Variants in SSBP3 observed in about 807,000 individuals in gnomAD.
The protein encoded by SSBP3 is single stranded DNA binding protein 3.
A neutral mutation model predicts 69.6 loss-of-function variants in SSBP3; 5 were observed. The observed-to-expected ratio is 0.07, with a 90% CI of 0.04 to 0.15. The LOEUF (loss-of-function observed/expected upper bound fraction) is 0.15, where lower values mean the gene tolerates loss of function less well. SSBP3 is among the 10% of genes least tolerant of loss of function. The probability of loss-of-function intolerance (pLI) is 1.00; values close to 1 mark genes in which losing one functional copy is unlikely to be tolerated. For missense variants in SSBP3, 312 were observed against 534.0 expected (o/e 0.58, Z 4.10); for synonymous variants, 196 against 193.4 (o/e 1.01, Z -0.11).
intron 4 of SSBP3, among the ~76,000 whole-genome samples, chr1:54,366,472 C>A (rs1015595449): frequency 1.3e-5 from 2 of 152,156 alleles, no homozygotes; most frequent in Non-Finnish European, 2.9e-5. Context: ...GACTAGTATG[C>A]TGCTATTAAA....
At chr1:54,226,877 C>G in exon 18 of SSBP3, 1 of 502,126 alleles carries the variant, frequency 2.0e-6, no homozygotes, top group Non-Finnish European at 3.7e-6. Flanking sequence ...TGGGATTTTT[C>G]TGGTCACTGA....
intron 7 of SSBP3, among the ~76,000 whole-genome samples, chr1:54,252,634 G>A (rs1644850124): frequency 6.6e-6 from 1 of 152,234 alleles, no homozygotes; most frequent in South Asian, 2.1e-4. Context: ...GGTTACTAAT[G>A]AGAAGGTAAA....
At chr1:54,244,513 T>A (rs1363586191) in intron 9 of SSBP3, among the ~76,000 whole-genome samples, 1 of 152,108 alleles carries the variant, frequency 6.6e-6, no homozygotes, top group Non-Finnish European at 1.5e-5. Context: ...TCCGAAAGTA[T>A]CAGGATTACA....
At chr1:54,277,000 T>C (rs1025704290) in intron 5 of SSBP3, among the ~76,000 whole-genome samples, 1 of 152,146 alleles carries the variant, frequency 6.6e-6, no homozygotes, top group Non-Finnish European at 1.5e-5. Context: ...GTCTCTCTGC[T>C]AGGCTGGCTG....
intron 12 of SSBP3, 65 bp downstream of exon 12, chr1:54,241,409 C>G: frequency 6.4e-7 from 1 of 1,559,022 alleles, no homozygotes; most frequent in South Asian, 1.1e-5. Flanking sequence ...GGACCCCAGA[C>G]CAGTTCTCTT....
At chr1:54,302,223 A>AC (rs1261147880) in intron 4 of SSBP3, among the ~76,000 whole-genome samples, 1 of 151,666 alleles carries the variant, frequency 6.6e-6, no homozygotes, top group African/African-American at 2.4e-5. Context: ...TGTAGCACCT[A>AC]CCCCCTGCCC....
At chr1:54,341,473 CAA>C (rs1194905987) in intron 4 of SSBP3, among the ~76,000 whole-genome samples, 3 of 152,016 alleles carry the variant, frequency 2.0e-5, no homozygotes, top group Admixed American at 6.5e-5. Flanking sequence ...ATCCATGGGC[CAA>C]AGAGAATAGA....
chr1:54,400,214 T>C (rs1649196730), intron 4 of SSBP3, among the ~76,000 whole-genome samples: 1 of 152,184 alleles, frequency 6.6e-6, no homozygotes, highest in Non-Finnish European at 1.5e-5. Flanking sequence ...TTGGTTAAAA[T>C]CATTAACTTC....
intron 4 of SSBP3, among the ~76,000 whole-genome samples, chr1:54,355,125 C>T (rs1001915108): frequency 3.3e-5 from 5 of 152,328 alleles, no homozygotes; most frequent in South Asian, 4.1e-4. Context: ...TGTGACCTGC[C>T]CCTTCTCTGC....
chr1:54,296,045 T>C (rs957927592), intron 4 of SSBP3, among the ~76,000 whole-genome samples: 5 of 152,236 alleles, frequency 3.3e-5, no homozygotes, highest in East Asian at 3.8e-4. Flanking sequence ...CATCAAATGA[T>C]TGGAGACTGC....
intron 4 of SSBP3, among the ~76,000 whole-genome samples, chr1:54,315,408 G>T (rs1261528046): frequency 1.3e-5 from 2 of 152,118 alleles, no homozygotes; most frequent in East Asian, 3.9e-4. Flanking sequence ...ACTATGAGAA[G>T]CACACAGCAG....
intron 5 of SSBP3, among the ~76,000 whole-genome samples, chr1:54,266,846 G>T (rs1436933942): frequency 1.3e-5 from 2 of 152,190 alleles, no homozygotes; most frequent in African/African-American, 4.8e-5. Flanking sequence ...AATGAGCCCT[G>T]GTCTCTTGGC....
intron 5 of SSBP3, among the ~76,000 whole-genome samples, chr1:54,259,078 C>T (rs1444596535): frequency 6.6e-6 from 1 of 152,088 alleles, no homozygotes; most frequent in African/African-American, 2.4e-5. Context: ...TGCTGGGCGA[C>T]TGGGTGGGCT....
chr1:54,362,974 G>C (rs1459745419), intron 4 of SSBP3, among the ~76,000 whole-genome samples: 1 of 152,076 alleles, frequency 6.6e-6, no homozygotes, highest in Non-Finnish European at 1.5e-5. Context: ...GGGGCAGAGG[G>C]ATACTTAGAC....
At chr1:54,272,480 CTTTT>C (rs71497593) in intron 5 of SSBP3, among the ~76,000 whole-genome samples, 22 of 123,986 alleles carry the variant, frequency 1.8e-4, no homozygotes, top group African/African-American at 3.9e-4. Context: ...GGAATTTGAC[CTTTT>C]TTTTAAAAAA....
chr1:54,270,155 G>A (rs1645168470), intron 5 of SSBP3, among the ~76,000 whole-genome samples: 1 of 152,156 alleles, frequency 6.6e-6, no homozygotes, highest in Non-Finnish European at 1.5e-5. Flanking sequence ...GATGAACCAG[G>A]GAGAGCTGCT....
At chr1:54,337,595 G>A (rs1646533391) in intron 4 of SSBP3, among the ~76,000 whole-genome samples, 2 of 139,866 alleles carry the variant, frequency 1.4e-5, no homozygotes, top group South Asian at 2.4e-4. Context: ...TCCGTCTCCC[G>A]GGTTCCAGCG....
In SSBP3 at chr1:54,233,382, G is replaced by A. The variant is rs1224593178; in HGVS notation, c.928-4556C>T. Among the ~76,000 whole-genome samples, 4 of 147,212 alleles carry A rather than the reference G, an allele frequency of 2.7e-5. No homozygotes were observed. The East Asian group carries it at 8.4e-4, about 31-fold the overall frequency. On this transcript the variant is annotated intron_variant, in intron 14 of 17. Transcript: ENST00000610401. The stretch of plus-strand genomic sequence containing the variant: ...TGAGAAGTGAGGAGCCCCTCTGCCC[G>A]GCAGCTGCCCCGTCTGAGAAGTGAG...
At chr1:54,278,017 C>T (rs998832749) in intron 5 of SSBP3, among the ~76,000 whole-genome samples, 2 of 152,244 alleles carry the variant, frequency 1.3e-5, no homozygotes, top group African/African-American at 2.4e-5. Flanking sequence ...TCAGAGACCA[C>T]CTGGTCCAGC....
Sources: gnomAD v4.1 joint callset for allele counts (sites outside exome capture counted in the v4.1 genomes callset) on GRCh38, gnomAD v4.1.1 for gene constraint, MANE v1.5 for transcripts, NCBI Gene and HGNC (gene_info 2026-07-23, HGNC 2026-07-21) for gene names.